Variants in SEC22A observed in about 807,000 individuals in gnomAD.
The protein encoded by SEC22A is vesicle-trafficking protein SEC22a.
A neutral mutation model predicts 35.3 loss-of-function variants in SEC22A; 22 were observed. The observed-to-expected ratio is 0.62, with a 90% confidence interval of 0.45 to 0.89. The LOEUF is 0.89. Among genes scored for constraint, SEC22A ranks in the 40% least tolerant of loss-of-function variants. SEC22A has a pLI of 0.00. For missense variants in SEC22A, 354 were observed against 362.5 expected (o/e 0.98, Z 0.19); for synonymous variants, 119 against 129.5 (o/e 0.92, Z 0.55).
intron 4 of SEC22A, among the ~76,000 whole-genome samples, chr3:123,236,755 A>G (rs1937426214): frequency 6.6e-6 from 1 of 152,120 alleles, no homozygotes; most frequent in African/African-American, 2.4e-5. Context: ...GCAAACAATC[A>G]TAGATAATTA....
intron 2 of SEC22A, among the ~76,000 whole-genome samples, chr3:123,217,618 A>G (rs546869980): frequency 3.3e-5 from 5 of 152,346 alleles, no homozygotes; most frequent in African/African-American, 1.2e-4. Flanking sequence ...GGCAAATGTG[A>G]CTACAAAGGA....
In SEC22A at chr3:123,272,929, AACTT is replaced by A. The variant is rs1264249235; in HGVS notation, c.*1212_*1215del. ...GAATTAAGCCCCTAGTATCTGAGAGAACTTACTTGTTTTTTGATAACGTTTTAAA... is the reference window on the plus strand; with the variant it reads ...GAATTAAGCCCCTAGTATCTGAGAGAACTTGTTTTTTGATAACGTTTTAAA... On this transcript the variant is annotated 3_prime_UTR_variant, in exon 7 of 7. Transcript: ENST00000492595. 2 of 153,768 alleles carry A rather than the reference AACTT, an allele frequency of 1.3e-5. No individual in the cohort carries two copies. 9.5% of individuals were successfully genotyped at this position (153,768 alleles called of 1,614,324 possible).
At chr3:123,237,190 T>G (rs1448742216) in intron 4 of SEC22A, among the ~76,000 whole-genome samples, 1 of 152,220 alleles carries the variant, frequency 6.6e-6, no homozygotes, top group Non-Finnish European at 1.5e-5. Context: ...TTTGCCAGCC[T>G]TTGCTGTCTG....
chr3:123,232,230 G>A (rs1937337042), intron 4 of SEC22A, among the ~76,000 whole-genome samples: 1 of 151,988 alleles, frequency 6.6e-6, no homozygotes, highest in South Asian at 2.1e-4. Context: ...ATAGAGCGAG[G>A]CTCTGTCTAA....
chr3:123,243,926 G>A (rs1937546434), intron 4 of SEC22A: 1 of 152,094 alleles, frequency 6.6e-6, no homozygotes, highest in South Asian at 2.1e-4. Flanking sequence ...TATAGGAGAA[G>A]GCAATAATAA....
intron 6 of SEC22A, among the ~76,000 whole-genome samples, chr3:123,260,733 G>A (rs1259663241): frequency 2.0e-5 from 3 of 152,106 alleles, no homozygotes; most frequent in African/African-American, 4.8e-5. Context: ...TTCAGTGGAC[G>A]TCTTTAGGGA....
rs907945372 is a variant in SEC22A, at chr3:123,246,153, C to T, written c.657+139C>T. The T allele has an allele frequency of 3.2e-5, 18 of 554,116 alleles. No homozygotes were observed. In the African/African-American group the frequency reaches 3.4e-4, roughly 10 times the overall value. The allele number at this position is 554,116 out of a possible 1,614,324, so 34.3% of individuals were successfully genotyped here. A position where few individuals can be genotyped will look rare whatever the true frequency, so the allele number is the denominator to read the frequency against. ...TATGTTTTTTTATATCTGCTTTAGC[C>T]TCCTTCTAAAAACACTGGTTGGCTT... is the stretch of plus-strand genomic sequence containing the variant. On this transcript the variant is annotated intron_variant, in intron 5 of 6. Transcript: ENST00000492595.
At chr3:123,206,100 A>G (rs989274493) in intron 1 of SEC22A, among the ~76,000 whole-genome samples, 3 of 152,192 alleles carry the variant, frequency 2.0e-5, no homozygotes, top group Admixed American at 2.0e-4. Context: ...ACATAAAATA[A>G]TACAGTCTAC....
intron 6 of SEC22A, among the ~76,000 whole-genome samples, chr3:123,265,244 A>G (rs191191721): frequency 2.6e-5 from 4 of 152,318 alleles, no homozygotes; most frequent in Admixed American, 1.3e-4. Flanking sequence ...GCCATTTTAT[A>G]TCAGAGACTT....
In SEC22A at chr3:123,225,171, T is replaced by G; in HGVS notation, c.415T>G (p.Ser139Ala). Residue 139 changes from serine (S) to alanine (A), a missense_variant, in exon 4 of 7, where the codon TCT (serine) becomes GCT (alanine). Ser to Ala is a moderately conservative substitution (Grantham distance 99, BLOSUM62 1). Coordinates refer to ENST00000492595, the MANE Select transcript of SEC22A (RefSeq NM_012430.5). ...GTCTCTTTCAACAAAGATAAATCTT[T>G]CTGACATGCAGACGGAAATCAAGCT... ...PRSLSTKINL[S>A]DMQTEIKLRP... 6.2e-7 allele frequency: 1 copy of G among 1,613,858 alleles called. No homozygotes were observed. Among genetic ancestry groups the G allele is most frequent in the Non-Finnish European group, 8.5e-7 (1 of 1,179,770 alleles).
At chr3:123,208,738 C>A (rs985098316) in intron 1 of SEC22A, 7 of 153,944 alleles carry the variant, frequency 4.5e-5, no homozygotes, top group Admixed American at 6.4e-5. Flanking sequence ...AAACAAAAAA[C>A]AAAAAACAAA....
At chr3:123,238,125 G>C (rs1205464617) in intron 4 of SEC22A, among the ~76,000 whole-genome samples, 3 of 152,058 alleles carry the variant, frequency 2.0e-5, no homozygotes, top group African/African-American at 7.2e-5. Flanking sequence ...CTGTACTCCA[G>C]CCTGGGTGAC....
At chr3:123,260,060 A>G (rs961306034) in intron 6 of SEC22A, among the ~76,000 whole-genome samples, 2 of 140,848 alleles carry the variant, frequency 1.4e-5, no homozygotes, top group African/African-American at 5.2e-5. Context: ...TGAACCCAGG[A>G]GGCAGAGGTT....
chr3:123,255,280 G>A (rs904470855), intron 5 of SEC22A, among the ~76,000 whole-genome samples: 4 of 151,876 alleles, frequency 2.6e-5, no homozygotes, highest in Admixed American at 2.6e-4. Flanking sequence ...GTTTTGTTTT[G>A]TTTTGTTTTG....
intron 6 of SEC22A, among the ~76,000 whole-genome samples, chr3:123,267,078 T>C (rs577852370): frequency 6.6e-6 from 1 of 152,250 alleles, no homozygotes; most frequent in South Asian, 2.1e-4. Flanking sequence ...CCACTTTTGC[T>C]TTCTTTTGAT....
intron 2 of SEC22A, among the ~76,000 whole-genome samples, chr3:123,212,780 G>T (rs1434553972): frequency 6.6e-6 from 1 of 152,052 alleles, no homozygotes; most frequent in African/African-American, 2.4e-5. Flanking sequence ...AGAGATAGGA[G>T]AATAATAAAC....
intron 4 of SEC22A, among the ~76,000 whole-genome samples, chr3:123,229,039 G>A (rs1937266255): frequency 6.6e-6 from 1 of 152,148 alleles, no homozygotes; most frequent in Non-Finnish European, 1.5e-5. Flanking sequence ...GGATACCGAA[G>A]AAGAAGGGGG....
intron 4 of SEC22A, among the ~76,000 whole-genome samples, chr3:123,241,443 G>A (rs976224446): frequency 5.3e-5 from 8 of 152,064 alleles, no homozygotes; most frequent in African/African-American, 1.9e-4. Flanking sequence ...GGCATTGTGG[G>A]CATCTTTGAG....
intron 2 of SEC22A, among the ~76,000 whole-genome samples, chr3:123,215,825 G>T (rs1937011773): frequency 6.6e-6 from 1 of 152,130 alleles, no homozygotes; most frequent in South Asian, 2.1e-4. Flanking sequence ...AGAGAGAAAT[G>T]AACCAGGGAA....
Sources: allele counts gnomAD v4.1 joint callset (sites outside exome capture counted in the v4.1 genomes callset), GRCh38; gene constraint gnomAD v4.1.1; transcripts MANE v1.5; gene names NCBI Gene and HGNC (gene_info 2026-07-23, HGNC 2026-07-21).